The following ZNF468 variants were observed in gnomAD, a reference collection of about 807,000 sequenced individuals.
The protein encoded by ZNF468 is zinc finger protein ZNF468.
A neutral mutation model predicts 7.2 loss-of-function variants in ZNF468; 8 were observed. The ratio of observed to expected loss-of-function variants is 1.11; its 90% confidence interval spans 0.65 to 2.01. The LOEUF (loss-of-function observed/expected upper bound fraction) is 2.01, where lower values mean the gene tolerates loss of function less well. Among genes scored for constraint, ZNF468 ranks in the 30% most tolerant of loss-of-function variants. The probability of loss-of-function intolerance (pLI) is 0.00; values close to 1 mark genes in which losing one functional copy is unlikely to be tolerated. For missense variants in ZNF468, 608 were observed against 626.5 expected, an observed-to-expected ratio of 0.97 and a Z score of 0.31; for synonymous variants, 218 against 214.4, an observed-to-expected ratio of 1.02 and a Z score of -0.15.
At chr19:52,855,663 C>T (rs568356218) in intron 1 of ZNF468, among the ~76,000 whole-genome samples, 1 of 151,774 alleles carries the variant, frequency 6.6e-6, no homozygotes, top group African/African-American at 2.4e-5. Flanking sequence ...CTGAGTCTAC[C>T]GCTCTGTTTC....
chr19:52,839,351 C>A lies in ZNF468; in HGVS notation c.*1374G>T. The A allele has an allele frequency of 4.6e-6, 1 of 216,794 alleles. No homozygotes were observed. The highest frequency in any genetic ancestry group is 9.4e-6 in the Non-Finnish European group (1 of 106,216). 13.4% of individuals were successfully genotyped at this position (216,794 alleles called of 1,614,324 possible). A position where few individuals can be genotyped will look rare whatever the true frequency, so the allele number is the denominator to read the frequency against. On this transcript the variant is annotated 3_prime_UTR_variant, in exon 4 of 4. Transcript: ENST00000595646. Reference sequence around the variant, plus strand: ...TCGTGAGCTCCAGTGACCTACCTGTCTTTGCCTCTCAAAGTGCTGGAATTA... The same window carrying A: ...TCGTGAGCTCCAGTGACCTACCTGTATTTGCCTCTCAAAGTGCTGGAATTA...
chr19:52,852,020 G>A (rs1054609945), intron 2 of ZNF468, among the ~76,000 whole-genome samples: 8 of 151,992 alleles, frequency 5.3e-5, no homozygotes, highest in African/African-American at 1.5e-4. Context: ...GAGGAATCTC[G>A]CCTTGGGGGA....
chr19:52,856,888 T>A (rs1444250795), intron 1 of ZNF468, among the ~76,000 whole-genome samples: 1 of 152,098 alleles, frequency 6.6e-6, no homozygotes, highest in African/African-American at 2.4e-5. Context: ...GCTCTCTCAG[T>A]CCCTCTCTCT....
chr19:52,842,180 C>T (rs1273495894), intron 3 of ZNF468, 29 bp from the exon 4 acceptor site: 4 of 1,530,326 alleles, frequency 2.6e-6, no homozygotes, highest in East Asian at 4.5e-5. Flanking sequence ...AATAGGTTTC[C>T]AATTAAGTAC....
At chr19:52,845,381 G>T (rs527283880) in intron 3 of ZNF468, 10 of 151,650 alleles carry the variant, frequency 6.6e-5, no homozygotes, top group Non-Finnish European at 1.5e-4. Context: ...TCCAGACAGG[G>T]TGCGGTGGCT....
At position 52,839,605 on chromosome 19, in the gene ZNF468, A is replaced by G; in HGVS notation, c.*1120T>C. 2 of 548,602 alleles carry G rather than the reference A, an allele frequency of 3.6e-6. No homozygotes were observed. Among genetic ancestry groups the G allele is most frequent in the South Asian group, 1.4e-5 (1 of 72,254 alleles). The allele number at this position is 548,602 out of a possible 1,614,324, so 34.0% of individuals were successfully genotyped here. A position where few individuals can be genotyped will look rare whatever the true frequency, so the allele number is the denominator to read the frequency against. ...GACCTTGGACTGAAGACCCTTCCACACTGATGACATTTGTAAGATTTCTGT... is the reference window on the plus strand; with the variant it reads ...GACCTTGGACTGAAGACCCTTCCACGCTGATGACATTTGTAAGATTTCTGT... On this transcript the variant is annotated 3_prime_UTR_variant, in exon 4 of 4. Coordinates refer to ENST00000595646, the MANE Select transcript of ZNF468 (RefSeq NM_001008801.2).
intron 2 of ZNF468, chr19:52,853,906 T>C (rs1382069259): frequency 9.4e-5 from 123 of 1,307,120 alleles, no homozygotes; most frequent in Non-Finnish European, 1.1e-4. Flanking sequence ...GTGACTCCCA[T>C]TGGCAGCTGC....
At chr19:52,853,347 C>A (rs1202557432) in intron 2 of ZNF468, among the ~76,000 whole-genome samples, 2 of 151,948 alleles carry the variant, frequency 1.3e-5, no homozygotes, top group Non-Finnish European at 2.9e-5. Context: ...TACCACAAAA[C>A]AAATATATAT....
At position 52,839,909 on chromosome 19, in the gene ZNF468, T is replaced by C. The variant is rs892025495; in HGVS notation, c.*816A>G. On this transcript the variant is annotated 3_prime_UTR_variant, in exon 4 of 4. Transcript: ENST00000595646. Reference sequence around the variant, plus strand: ...CTGTGGATTCTCCAATGATGTGCAATGGTTGTAGCATTACTGAAAACTTTG... The same window carrying C: ...CTGTGGATTCTCCAATGATGTGCAACGGTTGTAGCATTACTGAAAACTTTG... 2.3e-5 allele frequency: 20 copies of C among 875,892 alleles called. No homozygotes were observed. The highest frequency in any genetic ancestry group is 3.4e-5 in the Non-Finnish European group (20 of 580,362). 54.3% of individuals were successfully genotyped at this position (875,892 alleles called of 1,614,324 possible). A position where few individuals can be genotyped will look rare whatever the true frequency, so the allele number is the denominator to read the frequency against.
chr19:52,839,866 A>T lies in ZNF468; in HGVS notation c.*859T>A, dbSNP rs2063279636. 4 of 708,698 alleles carry T rather than the reference A, an allele frequency of 5.6e-6. No homozygotes were observed. In the South Asian group the frequency reaches 5.9e-5, roughly 10 times the overall value. The allele number at this position is 708,698 out of a possible 1,614,324, so 43.9% of individuals were successfully genotyped here. ...CTGAAAAATTTGCCACATTTATTAC[A>T]CTTGTAAGATCTCTTCACTGTGGAT... On this transcript the variant is annotated 3_prime_UTR_variant, in exon 4 of 4. Coordinates refer to ENST00000595646, the MANE Select transcript of ZNF468 (RefSeq NM_001008801.2).
chr19:52,842,363 T>A (rs2063311704), intron 3 of ZNF468, among the ~76,000 whole-genome samples: 1 of 152,092 alleles, frequency 6.6e-6, no homozygotes, highest in South Asian at 2.1e-4. Flanking sequence ...CTATTTCCAA[T>A]ATCATGACAA....
intron 3 of ZNF468, among the ~76,000 whole-genome samples, chr19:52,847,535 G>A (rs536968052): frequency 4.1e-4 from 62 of 151,838 alleles, no homozygotes; most frequent in Non-Finnish European, 6.8e-4. Flanking sequence ...TAAAAGGAAG[G>A]CTTCTGTCTC....
intron 3 of ZNF468, among the ~76,000 whole-genome samples, 199 bp downstream of exon 3, chr19:52,848,888 C>T (rs2063361084): frequency 6.6e-6 from 1 of 152,106 alleles, no homozygotes; most frequent in Non-Finnish European, 1.5e-5. Flanking sequence ...TTCTGGAACC[C>T]CCACTGAGCT....
rs902891537 is a variant in ZNF468 at position 52,838,295 on chromosome 19, T to G, written c.*2430A>C. The stretch of plus-strand genomic sequence containing the variant: ...ATGGAGAAAAAGCATTTCACAAAAG[T>G]CAACATCAAGTCATCATAGAAATCC... On this transcript the variant is annotated 3_prime_UTR_variant, in exon 4 of 4. Transcript: ENST00000595646. The G allele has an allele frequency of 5.3e-5, 8 of 152,070 alleles. No homozygotes were observed. The highest frequency in any genetic ancestry group is 1.9e-4 in the African/African-American group (8 of 41,386). The allele number at this position is 152,070 out of a possible 1,614,324, so 9.4% of individuals were successfully genotyped here. A position where few individuals can be genotyped will look rare whatever the true frequency, so the allele number is the denominator to read the frequency against.
chr19:52,843,764 G>C (rs1406358971), intron 3 of ZNF468, among the ~76,000 whole-genome samples: 2 of 152,136 alleles, frequency 1.3e-5, no homozygotes, highest in Non-Finnish European at 2.9e-5. Flanking sequence ...AACTGAAATA[G>C]ATGTTAAGAT....
At chr19:52,856,273 C>G (rs2063437817) in intron 1 of ZNF468, among the ~76,000 whole-genome samples, 1 of 151,998 alleles carries the variant, frequency 6.6e-6, no homozygotes, top group Non-Finnish European at 1.5e-5. Context: ...GTAATTCCAG[C>G]ACTTTGGGAG....
chr19:52,841,216 A>G lies in ZNF468; in HGVS notation c.1078T>C (p.Cys360Arg), dbSNP rs761607417. 3.1e-6 allele frequency: 5 copies of G among 1,613,454 alleles called. No homozygotes were observed. The highest frequency in any genetic ancestry group is 2.2e-5 in the East Asian group (1 of 44,864). The change falls in exon 4 of 4, where the codon TGT becomes CGT. Residue 360 changes from cysteine to arginine, a missense_variant. Transcript: ENST00000595646. Reference sequence around the variant, plus strand: ...GATAGTCGATTAAAAACTTTGCCACATTCATTACATGTGTAAGGTTTCTCT... The same window carrying G: ...GATAGTCGATTAAAAACTTTGCCACGTTCATTACATGTGTAAGGTTTCTCT... ...TGEKPYTCNE[C>R]GKVFNRLSTL...
At chr19:52,853,133 G>A (rs1192813950) in intron 2 of ZNF468, among the ~76,000 whole-genome samples, 1 of 152,104 alleles carries the variant, frequency 6.6e-6, no homozygotes, top group Admixed American at 6.6e-5. Context: ...GGGATTACAG[G>A]TGTGAGCCAC....
In ZNF468 at chr19:52,838,861, C is replaced by T. The variant is rs934345375; in HGVS notation, c.*1864G>A. 3 of 152,066 alleles carry T rather than the reference C, an allele frequency of 2.0e-5. No homozygotes were observed. The highest frequency in any genetic ancestry group is 4.4e-5 in the Non-Finnish European group (3 of 68,018). The allele number at this position is 152,066 out of a possible 1,614,324, so 9.4% of individuals were successfully genotyped here. On this transcript the variant is annotated 3_prime_UTR_variant, in exon 4 of 4. Coordinates refer to ENST00000595646, the MANE Select transcript of ZNF468 (RefSeq NM_001008801.2). Reference sequence around the variant, plus strand: ...TGTATAAATAGATATAAATCCCATACTGATTGGAAAAATGAATATCGCTCA... The same window carrying T: ...TGTATAAATAGATATAAATCCCATATTGATTGGAAAAATGAATATCGCTCA...
Sources: gnomAD v4.1 joint callset for allele counts (sites outside exome capture counted in the v4.1 genomes callset) on GRCh38, gnomAD v4.1.1 for gene constraint, MANE v1.5 for transcripts, NCBI Gene and HGNC (gene_info 2026-07-23, HGNC 2026-07-21) for gene names.